The following KANSL1 variants were observed in gnomAD, a reference collection of about 807,000 sequenced individuals.
KANSL1 encodes the protein KAT8 regulatory NSL complex subunit 1.
Under a neutral mutation model 103.6 loss-of-function variants are expected in KANSL1, and 22 were observed. That is an observed-to-expected ratio of 0.21 (90% CI 0.15 to 0.30). The LOEUF (loss-of-function observed/expected upper bound fraction) is 0.30, where lower values mean the gene tolerates loss of function less well. Ranked by LOEUF, KANSL1 falls within the 10% of genes least tolerant of loss-of-function variation. The pLI is 1.00. For missense variants in KANSL1, 1,337 were observed against 1,399.8 expected, an observed-to-expected ratio of 0.96 and a Z score of 0.72; for synonymous variants, 600 against 527.6, an observed-to-expected ratio of 1.14 and a Z score of -1.88.
intron 5 of KANSL1, 70 bp downstream of exon 5, chr17:46,067,479 A>T (rs944921546): frequency 2.1e-6 from 2 of 936,074 alleles, no homozygotes; most frequent in African/African-American, 3.3e-5. Context: ...TCCTGGCTAA[A>T]GAGAACTAAG....
At chr17:46,215,809 G>A (rs2048322021) in intron 1 of KANSL1, among the ~76,000 whole-genome samples, 1 of 152,234 alleles carries the variant, frequency 6.6e-6, no homozygotes. Context: ...GGGAGGCTGA[G>A]GCAGGTGGAT....
intron 2 of KANSL1, among the ~76,000 whole-genome samples, chr17:46,132,881 T>TGCAGTGGGCCATCATCATA (rs1555560686): frequency 1.3e-5 from 2 of 151,930 alleles, no homozygotes; most frequent in Non-Finnish European, 2.9e-5. Context: ...AGGTCGAGGC[T>TGCAGTGGGCCATCATCATA]GCAGTGAGCC....
chr17:46,066,807 G>T (rs2078395502), intron 5 of KANSL1, 75 bp from the exon 6 acceptor site: 1 of 1,099,850 alleles, frequency 9.1e-7, no homozygotes, highest in Non-Finnish European at 1.3e-6. Context: ...AAAACACAAA[G>T]AAACAAAGCC....
At chr17:46,105,939 AC>A (rs1567680773) in intron 2 of KANSL1, among the ~76,000 whole-genome samples, 219 of 77,182 alleles carry the variant, frequency 2.8e-3, no homozygotes, top group Non-Finnish European at 5.5e-3. Flanking sequence ...ACACACACAC[AC>A]ACACACACCC....
At chr17:46,130,035 A>T (rs890549185) in intron 2 of KANSL1, among the ~76,000 whole-genome samples, 4 of 148,922 alleles carry the variant, frequency 2.7e-5, no homozygotes, top group African/African-American at 7.3e-5. Flanking sequence ...AAAATACAAA[A>T]ATTAGCCAGG....
intron 2 of KANSL1, among the ~76,000 whole-genome samples, chr17:46,108,573 T>A (rs2042668575): frequency 1.3e-5 from 2 of 152,252 alleles, no homozygotes; most frequent in African/African-American, 4.8e-5. Context: ...AAACAGAGAT[T>A]TTTGTCTTGT....
At chr17:46,099,280 C>T (rs1204904312) in intron 2 of KANSL1, among the ~76,000 whole-genome samples, 2 of 112,202 alleles carry the variant, frequency 1.8e-5, no homozygotes, top group Non-Finnish European at 4.7e-5. Flanking sequence ...GCCGAGATTG[C>T]GCCACTGCAC....
In KANSL1 at chr17:46,112,727, T is replaced by TTTATTTATTTTATTTTA. The variant is rs1169951013; in HGVS notation, c.1290-18027_1290-18026insTAAAATAAAATAAATAA. Among the ~76,000 whole-genome samples, 481 of 151,644 alleles carry TTTATTTATTTTATTTTA rather than the reference T, an allele frequency of 3.2e-3. 1 individual carries two copies. The highest frequency in any genetic ancestry group is 0.031 in the Middle Eastern group (9 of 294). The stretch of plus-strand genomic sequence containing the variant: ...AAACAAAAAACTGGGCAGATAAATT[T>TTTATTTATTTTATTTTA]TTTTTTTTTTTGAGATGGAGTGTCA... On this transcript the variant is annotated intron_variant, in intron 2 of 14. Transcript: ENST00000432791.
chr17:46,126,105 TAA>T (rs1030846285), intron 2 of KANSL1, among the ~76,000 whole-genome samples: 38 of 152,186 alleles, frequency 2.5e-4, no homozygotes, highest in African/African-American at 8.9e-4. Context: ...GTTGAAAAAG[TAA>T]AAGTCGGCCG....
chr17:46,065,864 G>A (rs1027048372), intron 6 of KANSL1, among the ~76,000 whole-genome samples: 25 of 152,154 alleles, frequency 1.6e-4, no homozygotes, highest in African/African-American at 5.5e-4. Context: ...AAACTTTAGT[G>A]AAGATTCCTT....
At chr17:46,174,137 C>A (rs1352314786) in intron 1 of KANSL1, among the ~76,000 whole-genome samples, 1 of 152,212 alleles carries the variant, frequency 6.6e-6, no homozygotes, top group East Asian at 1.9e-4. Context: ...AAACTTGTAT[C>A]AACAATCATG....
chr17:46,205,096 C>T (rs2047920587), intron 1 of KANSL1, among the ~76,000 whole-genome samples: 1 of 152,092 alleles, frequency 6.6e-6, no homozygotes, highest in African/African-American at 2.4e-5. Context: ...TAACACTGCA[C>T]TGAAGGTTAT....
At chr17:46,090,421 G>A (rs1339438095) in intron 3 of KANSL1, among the ~76,000 whole-genome samples, 4 of 152,198 alleles carry the variant, frequency 2.6e-5, no homozygotes, top group Non-Finnish European at 5.9e-5. Context: ...GACACGTAAA[G>A]CTGTGAATTT....
intron 2 of KANSL1, among the ~76,000 whole-genome samples, chr17:46,118,776 AAACAACC>A (rs1285864518): frequency 3.9e-5 from 6 of 152,234 alleles, no homozygotes; most frequent in African/African-American, 1.4e-4. Context: ...GCCGACGGAT[AAACAACC>A]AATAGTCAGT....
intron 2 of KANSL1, among the ~76,000 whole-genome samples, chr17:46,165,233 ATT>A (rs1365620515): frequency 7.4e-5 from 11 of 148,060 alleles, no homozygotes; most frequent in Non-Finnish European, 1.1e-4. Flanking sequence ...TTTTATTTTT[ATT>A]TTTACTTATT....
intron 1 of KANSL1, among the ~76,000 whole-genome samples, chr17:46,184,837 CTTTTTTTTT>C (rs66507225): frequency 7.8e-6 from 1 of 128,264 alleles, no homozygotes; most frequent in South Asian, 2.4e-4. Flanking sequence ...AGAGTATGTA[CTTTTTTTTT>C]TTTTTTTTTT....
rs745611834 is a variant in KANSL1 at position 46,050,485 on chromosome 17, T to A, written c.2020+48A>T. 4 of 1,566,746 alleles carry A rather than the reference T, an allele frequency of 2.6e-6. No individual in the cohort carries two copies. In the East Asian group the frequency reaches 6.8e-5, roughly 27 times the overall value. On this transcript the variant is annotated intron_variant, in intron 7 of 14. Coordinates refer to ENST00000432791, the MANE Select transcript of KANSL1 (RefSeq NM_015443.4). ...TGGCTGATTTTCTTTCACCTAGAAG[T>A]CTCTCAAGTTTCTTTCATTAGACTT...
intron 6 of KANSL1, among the ~76,000 whole-genome samples, chr17:46,052,498 G>A (rs769473642): frequency 6.6e-6 from 1 of 151,932 alleles, no homozygotes; most frequent in Non-Finnish European, 1.5e-5. Context: ...TCAGCTACTC[G>A]GGAGGCTGAG....
chr17:46,191,566 A>C (rs2047324347), intron 1 of KANSL1, among the ~76,000 whole-genome samples: 1 of 152,240 alleles, frequency 6.6e-6, no homozygotes, highest in African/African-American at 2.4e-5. Context: ...GGACTTTCAA[A>C]ATGAAGTTCA....
Sources: gnomAD v4.1 joint callset for allele counts (sites outside exome capture counted in the v4.1 genomes callset) on GRCh38, gnomAD v4.1.1 for gene constraint, MANE v1.5 for transcripts, NCBI Gene and HGNC (gene_info 2026-07-23, HGNC 2026-07-21) for gene names.